The following ERBB4 variants were observed in gnomAD, a reference collection of about 807,000 sequenced individuals.
ERBB4 encodes the protein receptor tyrosine-protein kinase erbB-4.
ERBB4 carries 42 observed loss-of-function variants against 158.0 expected under a neutral mutation model. The ratio of observed to expected loss-of-function variants is 0.27; its 90% confidence interval spans 0.21 to 0.34. The LOEUF is 0.34. Among genes scored for constraint, ERBB4 ranks in the 10% least tolerant of loss-of-function variants. The pLI is 1.00. For synonymous variants in ERBB4, 583 were observed against 558.7 expected (o/e 1.04, Z -0.61); for missense variants, 1,333 against 1,624.1 (o/e 0.82, Z 3.08).
intron 20 of ERBB4, among the ~76,000 whole-genome samples, chr2:211,512,622 C>A (rs558561396): frequency 1.3e-5 from 2 of 152,028 alleles, no homozygotes; most frequent in East Asian, 3.9e-4. Context: ...TTAAAAAATG[C>A]CATTTTCTTA....
At chr2:211,899,267 C>A (rs879338714) in intron 3 of ERBB4, among the ~76,000 whole-genome samples, 4 of 152,054 alleles carry the variant, frequency 2.6e-5, no homozygotes, top group Non-Finnish European at 5.9e-5. Flanking sequence ...GTTGAAATGA[C>A]TATAGAATTC....
intron 1 of ERBB4, among the ~76,000 whole-genome samples, chr2:212,205,972 G>A (rs1360766416): frequency 6.6e-6 from 1 of 152,108 alleles, no homozygotes; most frequent in East Asian, 1.9e-4. Context: ...CCTAACACAG[G>A]GGAGAGAATT....
In ERBB4 at chr2:212,461,498, C is replaced by A. The variant is rs563103821; in HGVS notation, c.82+76951G>T. On this transcript the variant is annotated intron_variant, in intron 1 of 27. Coordinates refer to ENST00000342788, the MANE Select transcript of ERBB4 (RefSeq NM_005235.3). ...TCTCCATTTGGAATGACTGTATATA[C>A]CCAATGTTTGTACCCCCACTCTATT... is the stretch of plus-strand genomic sequence containing the variant. Among the ~76,000 whole-genome samples the A allele has an allele frequency of 2.5e-3, 387 of 152,272 alleles. 1 individual carries two copies. Among genetic ancestry groups the A allele is most frequent in the Non-Finnish European group, 4.3e-3 (291 of 68,020 alleles).
intron 14 of ERBB4, among the ~76,000 whole-genome samples, chr2:211,667,131 T>A (rs888084116): frequency 1.5e-4 from 23 of 151,502 alleles, no homozygotes; most frequent in Non-Finnish European, 2.5e-4. Flanking sequence ...TCATAGTGTT[T>A]TAAGAAAGTT....
At chr2:211,605,756 T>C (rs928652940) in intron 19 of ERBB4, among the ~76,000 whole-genome samples, 2 of 152,130 alleles carry the variant, frequency 1.3e-5, no homozygotes, top group African/African-American at 4.8e-5. Flanking sequence ...TAGTATTTTA[T>C]ATTTATATAA....
intron 20 of ERBB4, among the ~76,000 whole-genome samples, chr2:211,499,715 T>A (rs2065568691): frequency 6.6e-6 from 1 of 152,084 alleles, no homozygotes; most frequent in Non-Finnish European, 1.5e-5. Flanking sequence ...CTCATAAGCA[T>A]CAGAATTTTA....
chr2:212,480,897 A>G (rs1281467479), intron 1 of ERBB4, among the ~76,000 whole-genome samples: 1 of 152,222 alleles, frequency 6.6e-6, no homozygotes, highest in African/African-American at 2.4e-5. Context: ...ATGTTTGTAG[A>G]CAAGTTTCCT....
chr2:212,131,411 T>C (rs901528451), intron 1 of ERBB4, among the ~76,000 whole-genome samples: 2 of 152,226 alleles, frequency 1.3e-5, no homozygotes, highest in Non-Finnish European at 2.9e-5. Flanking sequence ...TCTGTAGTCA[T>C]CTTTTCTCAA....
intron 1 of ERBB4, among the ~76,000 whole-genome samples, chr2:212,135,841 C>T (rs907333055): frequency 2.0e-5 from 3 of 152,122 alleles, no homozygotes; most frequent in Admixed American, 6.6e-5. Context: ...AAACAATTTC[C>T]ACTCATCAAG....
At position 211,558,672 on chromosome 2, in the gene ERBB4, C is replaced by G. The variant is rs561230697; in HGVS notation, c.2487+3231G>C. On this transcript the variant is annotated intron_variant, in intron 20 of 27. Transcript: ENST00000342788. ...ACAAGAATTCAGAGGCTAAACAACA[C>G]AAACTCACAAAACTGAAAAGTAGGC... is the stretch of plus-strand genomic sequence containing the variant. 1.2e-4 allele frequency among the ~76,000 whole-genome samples: 18 copies of G among 152,036 alleles called. No individual in the cohort carries two copies. The South Asian group carries it at 3.7e-3, about 32-fold the overall frequency.
At chr2:212,051,223 GA>G (rs2077390216) in intron 2 of ERBB4, among the ~76,000 whole-genome samples, 1 of 151,876 alleles carries the variant, frequency 6.6e-6, no homozygotes, top group African/African-American at 2.4e-5. Context: ...TTCTGCTTGG[GA>G]TTTCATATTG....
chr2:212,246,139 T>C (rs1230354721), intron 1 of ERBB4, among the ~76,000 whole-genome samples: 1 of 152,160 alleles, frequency 6.6e-6, no homozygotes, highest in Non-Finnish European at 1.5e-5. Flanking sequence ...CTTCTCTTAA[T>C]CCCATGCTCT....
chr2:212,449,704 A>G (rs2092417045), intron 1 of ERBB4, among the ~76,000 whole-genome samples: 1 of 152,162 alleles, frequency 6.6e-6, no homozygotes, highest in Non-Finnish European at 1.5e-5. Context: ...GGCAAAAAGT[A>G]TCAAATTCTG....
At chr2:212,118,804 C>T (rs1185308606) in intron 2 of ERBB4, among the ~76,000 whole-genome samples, 2 of 151,806 alleles carry the variant, frequency 1.3e-5, no homozygotes, top group East Asian at 3.9e-4. Flanking sequence ...TATATAAAAG[C>T]AAATTATGTT....
At chr2:212,126,605 A>G (rs1475858354) in intron 1 of ERBB4, among the ~76,000 whole-genome samples, 1 of 152,128 alleles carries the variant, frequency 6.6e-6, no homozygotes, top group Non-Finnish European at 1.5e-5. Context: ...TTAAAAATAG[A>G]TATTATAAAT....
chr2:212,320,860 G>A (rs2087537947), intron 1 of ERBB4, among the ~76,000 whole-genome samples: 1 of 150,106 alleles, frequency 6.7e-6, no homozygotes, highest in African/African-American at 2.4e-5. Flanking sequence ...AAATTGTAAA[G>A]CATGACATCA....
chr2:211,969,232 G>GA (rs1034271514), intron 2 of ERBB4, among the ~76,000 whole-genome samples: 1 of 151,614 alleles, frequency 6.6e-6, no homozygotes, highest in African/African-American at 2.4e-5. Context: ...TCCAATAAAG[G>GA]AAAAAAAGAG....
intron 1 of ERBB4, among the ~76,000 whole-genome samples, chr2:212,528,079 T>C (rs1369946894): frequency 2.0e-5 from 3 of 151,938 alleles, no homozygotes; most frequent in South Asian, 2.1e-4. Context: ...AAGAATACAA[T>C]GGAGGAGGGA....
At chr2:212,310,318 T>A (rs1459799696) in intron 1 of ERBB4, among the ~76,000 whole-genome samples, 1 of 150,826 alleles carries the variant, frequency 6.6e-6, no homozygotes, top group Non-Finnish European at 1.5e-5. Context: ...AATTTATGTC[T>A]CTTTATAGCG....
Sources: allele counts gnomAD v4.1 joint callset (sites outside exome capture counted in the v4.1 genomes callset), GRCh38; gene constraint gnomAD v4.1.1; transcripts MANE v1.5; gene names NCBI Gene and HGNC (gene_info 2026-07-23, HGNC 2026-07-21).